Variants in ZNF280C observed in about 807,000 individuals in gnomAD.
ZNF280C encodes zinc finger protein 280C.
In ZNF280C, 14 loss-of-function variants were observed where a neutral mutation model predicts 53.6. That is an observed-to-expected ratio of 0.26 (90% CI 0.17 to 0.41). The LOEUF is 0.41. ZNF280C is among the 10% of genes least tolerant of loss of function. ZNF280C has a pLI of 1.00. For missense variants in ZNF280C, 416 were observed against 547.1 expected (o/e 0.76, Z 2.39); for synonymous variants, 203 against 181.1 (o/e 1.12, Z -0.97).
At chrX:130,239,426 C>T (rs1603243388) in intron 6 of ZNF280C, among the ~76,000 whole-genome samples, 156 bp downstream of exon 6, 2 of 111,124 alleles carry the variant, frequency 1.8e-5, no homozygotes, top group South Asian at 7.4e-4. Context: ...TCTATATCAC[C>T]CAAGAAAGGC....
In ZNF280C at chrX:130,264,786, T is replaced by C. The variant is rs766876208; in HGVS notation, c.-17+3976A>G. Reference sequence around the variant, plus strand: ...AAAGCTGATTCAAATGGCAATGGTTTTGTAGTTTCACTTGACTGCTTTGTT... The same window carrying C: ...AAAGCTGATTCAAATGGCAATGGTTCTGTAGTTTCACTTGACTGCTTTGTT... On this transcript the variant is annotated intron_variant, in intron 1 of 18. Coordinates refer to ENST00000370978, the MANE Select transcript of ZNF280C (RefSeq NM_017666.5). Among the ~76,000 whole-genome samples the C allele has an allele frequency of 3.6e-5, 4 of 111,805 alleles. No homozygotes were observed. In the East Asian group the frequency reaches 1.1e-3, roughly 31 times the overall value.
At chrX:130,217,963 G>A (rs2032122276) in intron 13 of ZNF280C, among the ~76,000 whole-genome samples, 1 of 111,664 alleles carries the variant, frequency 9.0e-6, no homozygotes, top group African/African-American at 3.3e-5. Flanking sequence ...CTGAGCTCAG[G>A]AGTTTGAGAC....
chrX:130,209,247 A>G (rs1216763599), intron 16 of ZNF280C, among the ~76,000 whole-genome samples: 1 of 112,078 alleles, frequency 8.9e-6, no homozygotes, highest in African/African-American at 3.2e-5. Flanking sequence ...ATTCTGAGCT[A>G]AATGTGTGTG....
chrX:130,218,282 C>CTTT (rs952485356), intron 13 of ZNF280C, among the ~76,000 whole-genome samples: 71 of 111,659 alleles, frequency 6.4e-4, no homozygotes, highest in African/African-American at 2.3e-3. Flanking sequence ...CCTCTGGTAA[C>CTTT]TATAAAACAG....
chrX:130,261,909 C>G (rs940503035), intron 1 of ZNF280C, among the ~76,000 whole-genome samples: 5 of 111,166 alleles, frequency 4.5e-5, no homozygotes, highest in African/African-American at 1.6e-4. Context: ...CATACCACAG[C>G]CTTGAACTCT....
At chrX:130,227,298 T>C (rs2032230666) in intron 11 of ZNF280C, among the ~76,000 whole-genome samples, 1 of 112,256 alleles carries the variant, frequency 8.9e-6, no homozygotes, top group Non-Finnish European at 1.9e-5. Context: ...AATTCCTCGT[T>C]ACTGGAAGCC....
At chrX:130,231,854 G>A (rs1305676759) in intron 8 of ZNF280C, among the ~76,000 whole-genome samples, 2 of 109,752 alleles carry the variant, frequency 1.8e-5, no homozygotes, top group Non-Finnish European at 3.8e-5. Context: ...GTGAAACCCC[G>A]TCTCTATTAA....
intron 17 of ZNF280C, 60 bp downstream of exon 17, chrX:130,205,237 C>T (rs1188481326): frequency 1.8e-5 from 20 of 1,097,024 alleles, no homozygotes; most frequent in Admixed American, 1.4e-4. Context: ...ATATGGTGTC[C>T]GATCAAAAGT....
chrX:130,212,379 A>G (rs1166782485), intron 15 of ZNF280C, among the ~76,000 whole-genome samples: 1 of 111,483 alleles, frequency 9.0e-6, no homozygotes, highest in Non-Finnish European at 1.9e-5. Context: ...GGACAAGAAC[A>G]GTTGAAGGGA....
chrX:130,220,290 A>C (rs867655744), intron 13 of ZNF280C, 59 bp downstream of exon 13: 2 of 1,028,069 alleles, frequency 1.9e-6, no homozygotes, highest in Non-Finnish European at 1.3e-6. Flanking sequence ...TAAAAAAAAA[A>C]ACATAAAAAA....
At chrX:130,206,535 T>G (rs2031977563) in intron 16 of ZNF280C, among the ~76,000 whole-genome samples, 1 of 109,700 alleles carries the variant, frequency 9.1e-6, no homozygotes, top group Non-Finnish European at 1.9e-5. Context: ...CCTGGCTAAT[T>G]TTTTTGTATT....
intron 2 of ZNF280C, among the ~76,000 whole-genome samples, chrX:130,255,755 G>T (rs1293955894): frequency 9.0e-6 from 1 of 111,432 alleles, no homozygotes; most frequent in Admixed American, 9.5e-5. Flanking sequence ...AGGAGTTCGA[G>T]ACCAGCATGG....
At chrX:130,216,994 C>T (rs748159929) in intron 13 of ZNF280C, among the ~76,000 whole-genome samples, 2 of 111,169 alleles carry the variant, frequency 1.8e-5, no homozygotes, top group East Asian at 2.8e-4. Flanking sequence ...GGCAAGACTC[C>T]GTCTCAAAAA....
intron 10 of ZNF280C, among the ~76,000 whole-genome samples, chrX:130,228,282 T>C (rs1433693157): frequency 2.7e-5 from 3 of 111,733 alleles, no homozygotes; most frequent in Non-Finnish European, 3.8e-5. Flanking sequence ...TCAATTATTT[T>C]ATTTTATTTT....
At chrX:130,255,302 G>A (rs1378063452) in intron 2 of ZNF280C, among the ~76,000 whole-genome samples, 1 of 103,428 alleles carries the variant, frequency 9.7e-6, no homozygotes, top group Non-Finnish European at 2.0e-5. Flanking sequence ...CACTACGCCC[G>A]GCTAATTTTT....
chrX:130,241,148 T>C (rs1335361297), intron 5 of ZNF280C, among the ~76,000 whole-genome samples: 2 of 111,785 alleles, frequency 1.8e-5, no homozygotes, highest in Non-Finnish European at 3.8e-5. Context: ...AAAGAGATAA[T>C]AATAATACTC....
chrX:130,220,277 T>C, intron 13 of ZNF280C, 72 bp downstream of exon 13: 1 of 927,399 alleles, frequency 1.1e-6, no homozygotes, highest in Non-Finnish European at 1.4e-6. Flanking sequence ...CTTCTATCCA[T>C]AATAAAAAAA....
At chrX:130,227,434 T>C (rs1313054581) in intron 11 of ZNF280C, among the ~76,000 whole-genome samples, 4 of 111,589 alleles carry the variant, frequency 3.6e-5, no homozygotes, top group Non-Finnish European at 7.5e-5. Context: ...TGTCTTTCTC[T>C]AGTAGGGCAT....
chrX:130,213,859 CA>C (rs1374063797), intron 15 of ZNF280C, among the ~76,000 whole-genome samples: 1 of 112,362 alleles, frequency 8.9e-6, no homozygotes, highest in Non-Finnish European at 1.9e-5. Flanking sequence ...CTGAAGCCAT[CA>C]AAAAACGTGG....
Sources: allele counts gnomAD v4.1 joint callset (sites outside exome capture counted in the v4.1 genomes callset), GRCh38; gene constraint gnomAD v4.1.1; transcripts MANE v1.5; gene names NCBI Gene and HGNC (gene_info 2026-07-23, HGNC 2026-07-21).